COLEC11: variants seen among roughly 807,000 people sequenced by gnomAD.
COLEC11 encodes the protein collectin-11.
COLEC11 carries 20 observed loss-of-function variants against 27.3 expected under a neutral mutation model. That is an observed-to-expected ratio of 0.73 (90% CI 0.51 to 1.06). COLEC11 has a LOEUF of 1.06. Ranked by LOEUF, COLEC11 falls within the 50% of genes least tolerant of loss-of-function variation. The pLI, the probability that COLEC11 is intolerant of heterozygous loss-of-function variation, is 0.00. For missense variants in COLEC11, 310 were observed against 383.0 expected (o/e 0.81, Z 1.59); for synonymous variants, 163 against 154.7 (o/e 1.05, Z -0.40).
intron 2 of COLEC11, 145 bp from the exon 3 acceptor site, chr2:3,613,166 G>A: frequency 1.2e-6 from 1 of 828,954 alleles, no homozygotes; most frequent in Non-Finnish European, 2.0e-6. Flanking sequence ...CTGGGCTGCA[G>A]GCGGGGAGGG....
At chr2:3,630,138 TATATGC>T (rs1664885512) in intron 3 of COLEC11, among the ~76,000 whole-genome samples, 2 of 152,210 alleles carry the variant, frequency 1.3e-5, no homozygotes, top group East Asian at 3.8e-4. Context: ...TCTCTATGTG[TATATGC>T]ATGTGCATGT....
chr2:3,623,459 C>T (rs1232555547), intron 3 of COLEC11, among the ~76,000 whole-genome samples: 3 of 152,086 alleles, frequency 2.0e-5, no homozygotes, highest in African/African-American at 7.2e-5. Context: ...CTTTAGATCT[C>T]ACAGGCTTTC....
chr2:3,612,399 C>T lies in COLEC11; in HGVS notation c.131-912C>T, dbSNP rs567857157. On this transcript the variant is annotated intron_variant, in intron 2 of 6. Transcript: ENST00000349077. ...AGCAGAGTGGCCCTGTTGAGAGAAT[C>T]CGGAAGAGCCTCCCGGAGAACCAGG... 9.9e-5 allele frequency among the ~76,000 whole-genome samples: 15 copies of T among 152,200 alleles called. No individual in the cohort carries two copies. The East Asian group carries it at 2.9e-3, about 30-fold the overall frequency.
chr2:3,613,253 A>G, intron 2 of COLEC11, 58 bp from the exon 3 acceptor site: 1 of 1,543,246 alleles, frequency 6.5e-7, no homozygotes, highest in Non-Finnish European at 8.8e-7. Context: ...TCCACAAATC[A>G]CTCTGAGACG....
In COLEC11 at chr2:3,616,167, C is replaced by T. The variant is rs1286547614; in HGVS notation, c.202+2785C>T. Among the ~76,000 whole-genome samples the T allele has an allele frequency of 3.7e-4, 55 of 149,588 alleles. No individual in the cohort carries two copies. In the East Asian group the frequency reaches 6.5e-3, roughly 18 times the overall value. On this transcript the variant is annotated intron_variant, in intron 3 of 6. Coordinates refer to ENST00000349077, the MANE Select transcript of COLEC11 (RefSeq NM_024027.5). Reference sequence around the variant, plus strand: ...GCTCCTCACATCCCAGACAGGGCGGCGGGGCAGAGGCGCTCCCCACATCTC... The same window carrying T: ...GCTCCTCACATCCCAGACAGGGCGGTGGGGCAGAGGCGCTCCCCACATCTC...
Position 3,605,641 on chromosome 2 carries a change from C to T in COLEC11, c.130+1171C>T, listed in dbSNP as rs972914540. ...ACATTGACCTTTTGCAACCTGAATC[C>T]GGTCCGCCCCCTCCTCATCCGCGGT... On this transcript the variant is annotated intron_variant, in intron 2 of 6. Transcript: ENST00000349077. The T allele has an allele frequency of 7.9e-5, 15 of 189,612 alleles. No homozygotes were observed. The East Asian group carries it at 2.4e-3, about 30-fold the overall frequency. 11.7% of individuals were successfully genotyped at this position (189,612 alleles called of 1,614,324 possible).
intron 5 of COLEC11, among the ~76,000 whole-genome samples, chr2:3,641,733 C>T (rs1239941341): frequency 2.0e-5 from 3 of 152,140 alleles, no homozygotes; most frequent in Non-Finnish European, 2.9e-5. Context: ...GGGTGTCTCA[C>T]GTATGAGGGC....
intron 3 of COLEC11, among the ~76,000 whole-genome samples, chr2:3,614,271 A>G (rs1027208640): frequency 4.6e-5 from 7 of 152,128 alleles, no homozygotes; most frequent in Non-Finnish European, 1.0e-4. Flanking sequence ...CTCAGTATGT[A>G]CACATCATTC....
At chr2:3,597,660 G>C (rs1171178806) in intron 1 of COLEC11, among the ~76,000 whole-genome samples, 1 of 151,324 alleles carries the variant, frequency 6.6e-6, no homozygotes. Context: ...GTCAGCCTTT[G>C]ATTCCTGAGA....
chr2:3,603,790 A>C (rs2147853323), intron 1 of COLEC11: 329 of 883,566 alleles, frequency 3.7e-4, no homozygotes, highest in Non-Finnish European at 5.3e-4. Context: ...TACTGATCTC[A>C]CCGAGGAAGG....
At chr2:3,636,150 C>T (rs1280373052) in intron 3 of COLEC11, among the ~76,000 whole-genome samples, 2 of 152,182 alleles carry the variant, frequency 1.3e-5, no homozygotes, top group Non-Finnish European at 2.9e-5. Flanking sequence ...TATCTGCGTG[C>T]GATAGAAAGT....
chr2:3,609,793 A>G (rs12992453), intron 2 of COLEC11, among the ~76,000 whole-genome samples: 104,634 of 151,534 alleles, frequency 0.69, 36,620 homozygotes, highest in South Asian at 0.88. Flanking sequence ...GGCTCCCAAA[A>G]TGCTGGGATT....
Position 3,644,147 on chromosome 2 carries a change from C to T in COLEC11, c.*29C>T. ...TCAGGCTGGGGCTGCCCATTGGGGG[C>T]CCCACATGTCCCTGCAGGGTTGGCA... is the stretch of plus-strand genomic sequence containing the variant. On this transcript the variant is annotated 3_prime_UTR_variant, in exon 7 of 7. Coordinates refer to ENST00000349077, the MANE Select transcript of COLEC11 (RefSeq NM_024027.5). 2 of 1,602,324 alleles carry T rather than the reference C, an allele frequency of 1.2e-6. No individual in the cohort carries two copies. The highest frequency in any genetic ancestry group is 1.1e-5 in the South Asian group (1 of 91,036).
intron 3 of COLEC11, among the ~76,000 whole-genome samples, chr2:3,637,190 G>T (rs1306645170): frequency 6.6e-6 from 1 of 152,212 alleles, no homozygotes; most frequent in African/African-American, 2.4e-5. Flanking sequence ...GCACTGCCTT[G>T]CTGGGATGGA....
intron 2 of COLEC11, among the ~76,000 whole-genome samples, chr2:3,604,798 G>C (rs1285645292): frequency 6.6e-6 from 1 of 152,088 alleles, no homozygotes; most frequent in African/African-American, 2.4e-5. Context: ...ATCTCATGTG[G>C]ACCATTTTAC....
intron 3 of COLEC11, among the ~76,000 whole-genome samples, chr2:3,616,551 G>A (rs1663753597): frequency 6.6e-6 from 1 of 152,248 alleles, no homozygotes; most frequent in Non-Finnish European, 1.5e-5. Flanking sequence ...CCGGTTAGGA[G>A]CTGGAGACCA....
chr2:3,610,436 C>T (rs1285170802), intron 2 of COLEC11, among the ~76,000 whole-genome samples: 1 of 152,186 alleles, frequency 6.6e-6, no homozygotes, highest in Non-Finnish European at 1.5e-5. Context: ...TGTGTCTTCT[C>T]AGAGTTTTCA....
At chr2:3,630,069 A>ATG (rs895590306) in intron 3 of COLEC11, among the ~76,000 whole-genome samples, 8 of 52,024 alleles carry the variant, frequency 1.5e-4, no homozygotes, top group African/African-American at 6.7e-4. Context: ...TGCATATTGC[A>ATG]TATCTGTTAA....
intron 3 of COLEC11, among the ~76,000 whole-genome samples, chr2:3,632,386 C>T (rs1490228319): frequency 6.6e-6 from 1 of 152,182 alleles, no homozygotes; most frequent in Non-Finnish European, 1.5e-5. Flanking sequence ...TGATTTCCTC[C>T]CGGCTGTGGA....
Sources: allele counts gnomAD v4.1 joint callset (sites outside exome capture counted in the v4.1 genomes callset), GRCh38; gene constraint gnomAD v4.1.1; transcripts MANE v1.5; gene names NCBI Gene and HGNC (gene_info 2026-07-23, HGNC 2026-07-21).